DUSP15: variants seen among roughly 807,000 people sequenced by gnomAD.
DUSP15 encodes the protein dual specificity protein phosphatase 15.
In DUSP15, 23 loss-of-function variants were observed where a neutral mutation model predicts 26.3. The observed-to-expected ratio is 0.87, with a 90% CI of 0.63 to 1.24. The LOEUF (loss-of-function observed/expected upper bound fraction) is 1.24. Among genes scored for constraint, DUSP15 ranks in the 50% most tolerant of loss-of-function variants. The pLI, the probability that DUSP15 is intolerant of heterozygous loss-of-function variation, is 0.00. For synonymous variants in DUSP15, 143 were observed against 135.5 expected, an observed-to-expected ratio of 1.06 and a Z score of -0.39; for missense variants, 364 against 320.6, an observed-to-expected ratio of 1.14 and a Z score of -1.03.
intron 8 of DUSP15, chr20:31,848,955 G>T: frequency 2.1e-6 from 3 of 1,462,430 alleles, no homozygotes; most frequent in Non-Finnish European, 2.8e-6. Flanking sequence ...GACTGGGCAA[G>T]AACTAGGCAA....
chr20:31,867,210 G>A lies in DUSP15; in HGVS notation c.56-57C>T. The A allele has an allele frequency of 3.4e-6, 5 of 1,485,370 alleles. No homozygotes were observed. The South Asian group carries it at 6.0e-5, about 18-fold the overall frequency. 92.0% of individuals were successfully genotyped at this position (1,485,370 alleles called of 1,614,324 possible). Reference sequence around the variant, plus strand: ...GCTGGCGGGATGTCCTGATGGCCAAGTGCGGAGGGAGCTCACTGCCTGCCC... The same window carrying A: ...GCTGGCGGGATGTCCTGATGGCCAAATGCGGAGGGAGCTCACTGCCTGCCC... On this transcript the variant is annotated intron_variant, in intron 2 of 6. Coordinates refer to ENST00000339738, the MANE Select transcript of DUSP15 (RefSeq NM_080611.5).
At chr20:31,847,537 T>C (rs1387013315), downstream of DUSP15, 1 of 152,210 alleles carries the variant, frequency 6.6e-6, no homozygotes, top group African/African-American at 2.4e-5. Context: ...TGAAGGTGGC[T>C]TATTAATGTA....
intron 4 of DUSP15, 195 bp from the exon 5 acceptor site, chr20:31,864,176 T>C: frequency 7.2e-7 from 1 of 1,387,258 alleles, no homozygotes; most frequent in Non-Finnish European, 9.4e-7. Context: ...AATGGTGGCA[T>C]TTCAGGCAGT....
downstream of DUSP15, among the ~76,000 whole-genome samples, chr20:31,846,019 C>G (rs756040189): frequency 2.0e-4 from 31 of 152,064 alleles, no homozygotes; most frequent in South Asian, 4.1e-4. Flanking sequence ...ACACAACGGA[C>G]AGAGACACCC....
chr20:31,847,767 G>A (rs2062392933), exon 10 of DUSP15: 1 of 152,198 alleles, frequency 6.6e-6, no homozygotes, highest in Non-Finnish European at 1.5e-5. Context: ...AGAAGGGCTG[G>A]TCTTCCACGT....
chr20:31,849,754 TGGC>T (rs1397003929), exon 8 of DUSP15: 1 of 1,540,366 alleles, frequency 6.5e-7, no homozygotes, highest in African/African-American at 1.4e-5. Context: ...CAACGTGAGG[TGGC>T]GGCCCCAGCA....
At chr20:31,848,259 G>T in exon 10 of DUSP15, 1 of 901,912 alleles carries the variant, frequency 1.1e-6, no homozygotes, top group Non-Finnish European at 1.6e-6. Context: ...GAGTTCCGGG[G>T]CCCCGTGACA....
At chr20:31,845,860 T>G (rs112485427), downstream of DUSP15, among the ~76,000 whole-genome samples, 1,801 of 150,922 alleles carry the variant, frequency 0.012, 31 homozygotes, top group African/African-American at 0.042. Flanking sequence ...GGACAGGATG[T>G]GAAACTGAGC....
At chr20:31,852,997 TG>T (rs969102849) in intron 6 of DUSP15, among the ~76,000 whole-genome samples, 11 of 146,044 alleles carry the variant, frequency 7.5e-5, no homozygotes, top group Non-Finnish European at 1.4e-4. Flanking sequence ...ATGGGGGCCT[TG>T]GGGGGGCATT....
intron 6 of DUSP15, among the ~76,000 whole-genome samples, chr20:31,851,317 G>A (rs78184009): frequency 0.21 from 31,963 of 151,728 alleles, 3,635 homozygotes; most frequent in African/African-American, 0.27. Flanking sequence ...ATGAGCTGTC[G>A]ACGATGGCGG....
intron 8 of DUSP15, among the ~76,000 whole-genome samples, chr20:31,849,230 C>G (rs1054299879): frequency 1.3e-5 from 2 of 152,100 alleles, no homozygotes; most frequent in African/African-American, 4.8e-5. Flanking sequence ...TAAGCCAACA[C>G]ATGTACCGAA....
rs2062444498 is a variant in DUSP15 at position 31,850,143 on chromosome 20, ATCT to A, written c.492-272_492-270del. On this transcript the variant is annotated intron_variant, in intron 7 of 9. Coordinates refer to the DUSP15 transcript ENST00000278979. ...AGTGAGGGCATGACCCTCCCAGCAA[ATCT>A]TCTGGGATTCTAGGAGCTTCCTCCC... is the stretch of plus-strand genomic sequence containing the variant. Among the ~76,000 whole-genome samples the A allele has an allele frequency of 2.0e-5, 3 of 152,216 alleles. No individual in the cohort carries two copies. The South Asian group carries it at 6.2e-4, about 32-fold the overall frequency.
chr20:31,850,320 C>T (rs2062448763), intron 7 of DUSP15, among the ~76,000 whole-genome samples: 1 of 152,210 alleles, frequency 6.6e-6, no homozygotes, highest in South Asian at 2.1e-4. Context: ...ATCACTGCCA[C>T]TTAGGAGCTT....
At position 31,848,494 on chromosome 20, in the gene DUSP15, G is replaced by T. The variant is rs763068812; in HGVS notation, c.798C>A (p.Ser266=). Residue 266 remains serine, a synonymous_variant, in exon 10 of 10, where the codon TCC becomes TCA. Coordinates refer to the DUSP15 transcript ENST00000278979. ...TGCCATCGGGGTTGCCAGGGGTTGA[G>T]GACCCATCTGGGCGCTCGGTTGAGG... The T allele has an allele frequency of 8.7e-6, 14 of 1,611,392 alleles. No individual in the cohort carries two copies. In the Admixed American group the frequency reaches 2.3e-4, roughly 27 times the overall value.
intron 6 of DUSP15, among the ~76,000 whole-genome samples, chr20:31,852,509 T>C (rs1400790401): frequency 6.6e-6 from 1 of 152,210 alleles, no homozygotes; most frequent in Admixed American, 6.5e-5. Context: ...CAATGTGGTC[T>C]TGTAGAAGTT....
downstream of DUSP15, among the ~76,000 whole-genome samples, chr20:31,859,688 C>T (rs1173375123): frequency 6.6e-6 from 1 of 152,156 alleles, no homozygotes; most frequent in Non-Finnish European, 1.5e-5. Context: ...AACAGGGTCT[C>T]GCTCTGTCAC....
exon 10 of DUSP15, chr20:31,847,726 C>T (rs191326952): frequency 2.6e-5 from 4 of 152,346 alleles, no homozygotes; most frequent in South Asian, 2.1e-4. Flanking sequence ...TTGCCTACAA[C>T]GTACAGCTTG....
chr20:31,870,021 C>A lies in DUSP15; in HGVS notation c.21+296G>T, dbSNP rs554997148. 1.9e-4 allele frequency: 250 copies of A among 1,325,024 alleles called. No homozygotes were observed. In the African/African-American group the frequency reaches 3.1e-3, roughly 17 times the overall value. 82.1% of individuals were successfully genotyped at this position (1,325,024 alleles called of 1,614,324 possible). On this transcript the variant is annotated intron_variant, in intron 1 of 6. Coordinates refer to ENST00000339738, the MANE Select transcript of DUSP15 (RefSeq NM_080611.5). The surrounding 1 kb of genome is among the most constrained non-coding windows in gnomAD (Gnocchi z 6.6). ...AGGAGTCAGCGACAAGGGAGAGGGA[C>A]ACATGCAGACGGAGAGCAGGACTCA... is the stretch of plus-strand genomic sequence containing the variant.
intron 2 of DUSP15, among the ~76,000 whole-genome samples, chr20:31,868,476 CTTTT>C (rs35862553): frequency 3.1e-5 from 3 of 97,326 alleles, no homozygotes; most frequent in African/African-American, 8.0e-5. Flanking sequence ...TTTTCTTTCT[CTTTT>C]TTTTTTTTTT....
Sources: allele counts gnomAD v4.1 joint callset (sites outside exome capture counted in the v4.1 genomes callset), GRCh38; gene constraint gnomAD v4.1.1; non-coding constraint Gnocchi (gnomAD v3.1); transcripts MANE v1.5; gene names NCBI Gene and HGNC (gene_info 2026-07-23, HGNC 2026-07-21).